LDLRAD3: variants seen among roughly 807,000 people sequenced by gnomAD.
LDLRAD3 encodes the protein low density lipoprotein receptor class A domain containing 3.
Under a neutral mutation model 29.4 loss-of-function variants are expected in LDLRAD3, and 20 were observed. The ratio of observed to expected loss-of-function variants is 0.68; its 90% CI spans 0.48 to 0.99. The LOEUF (loss-of-function observed/expected upper bound fraction) is 0.99. LDLRAD3 is among the 50% of genes least tolerant of loss of function. The pLI is 0.00. For synonymous variants in LDLRAD3, 157 were observed against 192.7 expected, an observed-to-expected ratio of 0.81 and a Z score of 1.53; for missense variants, 420 against 454.3, an observed-to-expected ratio of 0.92 and a Z score of 0.69.
intron 4 of LDLRAD3, among the ~76,000 whole-genome samples, chr11:36,119,171 A>C (rs978189422): frequency 6.6e-6 from 1 of 152,256 alleles, no homozygotes; most frequent in Non-Finnish European, 1.5e-5. Context: ...TAAGCAAAAA[A>C]GTCCTCACAT....
chr11:36,169,619 G>A (rs1854566077), intron 4 of LDLRAD3, among the ~76,000 whole-genome samples: 1 of 152,126 alleles, frequency 6.6e-6, no homozygotes, highest in South Asian at 2.1e-4. Context: ...ATTTGTTACT[G>A]CAAATGACAG....
At chr11:36,110,045 G>A (rs1223910739) in intron 4 of LDLRAD3, 2 of 152,210 alleles carry the variant, frequency 1.3e-5, no homozygotes, top group African/African-American at 2.4e-5. Flanking sequence ...GACTCCATTC[G>A]AAGAAACTGA....
intron 4 of LDLRAD3, among the ~76,000 whole-genome samples, chr11:36,170,766 G>A (rs1242041959): frequency 6.6e-6 from 1 of 151,202 alleles, no homozygotes; most frequent in Non-Finnish European, 1.5e-5. Context: ...GTGATGTTGA[G>A]CAATTTGTCA....
intron 4 of LDLRAD3, among the ~76,000 whole-genome samples, chr11:36,100,957 A>AT (rs1015740323): frequency 6.6e-6 from 1 of 152,054 alleles, no homozygotes; most frequent in Non-Finnish European, 1.5e-5. Flanking sequence ...TAAAGCTCCT[A>AT]TTTTTTTAAA....
intron 2 of LDLRAD3, among the ~76,000 whole-genome samples, chr11:36,038,137 A>G (rs1462357184): frequency 6.6e-6 from 1 of 152,018 alleles, no homozygotes; most frequent in Non-Finnish European, 1.5e-5. Flanking sequence ...GAGCTCAATA[A>G]TCCATCTACC....
chr11:36,214,787 C>T (rs1417519408), intron 4 of LDLRAD3, among the ~76,000 whole-genome samples: 2 of 152,150 alleles, frequency 1.3e-5, no homozygotes, highest in Non-Finnish European at 2.9e-5. Context: ...GGAATGATGG[C>T]CATGAAGGCA....
chr11:36,101,992 C>G, intron 4 of LDLRAD3: 1 of 223,954 alleles, frequency 4.5e-6, no homozygotes, highest in Non-Finnish European at 9.1e-6. Context: ...AGGTTCACGC[C>G]ATTCTCCTGC....
chr11:36,124,250 C>G (rs1424932397), intron 4 of LDLRAD3, among the ~76,000 whole-genome samples: 1 of 152,122 alleles, frequency 6.6e-6, no homozygotes, highest in African/African-American at 2.4e-5. Flanking sequence ...TCTCACTTCC[C>G]CTACTAAAAT....
chr11:36,161,575 GGGATGGAT>G (rs145773800), intron 4 of LDLRAD3, among the ~76,000 whole-genome samples: 2 of 151,440 alleles, frequency 1.3e-5, no homozygotes, highest in East Asian at 2.0e-4. Context: ...GATTCATTTT[GGGATGGAT>G]GGATGGATGG....
At chr11:36,161,340 C>T (rs992365263) in intron 4 of LDLRAD3, among the ~76,000 whole-genome samples, 1 of 152,272 alleles carries the variant, frequency 6.6e-6, no homozygotes, top group South Asian at 2.1e-4. Context: ...AATGGAACTT[C>T]AGAGTGATTT....
chr11:36,073,316 T>C (rs1262447905), intron 2 of LDLRAD3, among the ~76,000 whole-genome samples: 1 of 152,222 alleles, frequency 6.6e-6, no homozygotes, highest in African/African-American at 2.4e-5. Context: ...TTTGAAAAGT[T>C]TGTGGACCAG....
chr11:36,133,907 T>C (rs1027752504), intron 4 of LDLRAD3, among the ~76,000 whole-genome samples: 3 of 151,972 alleles, frequency 2.0e-5, no homozygotes, highest in Non-Finnish European at 4.4e-5. Flanking sequence ...CTGTTCTAGT[T>C]GAAAGAACTG....
At chr11:35,946,788 A>G (rs1473949163) in intron 1 of LDLRAD3, among the ~76,000 whole-genome samples, 2 of 152,158 alleles carry the variant, frequency 1.3e-5, no homozygotes, top group African/African-American at 4.8e-5. Flanking sequence ...TTTCTCCTGG[A>G]AAGATCTGCT....
intron 4 of LDLRAD3, among the ~76,000 whole-genome samples, chr11:36,167,667 C>T (rs1565274118): frequency 1.3e-5 from 2 of 152,208 alleles, no homozygotes; most frequent in Non-Finnish European, 2.9e-5. Context: ...AGGAAGGACT[C>T]TTTCCTAGGG....
At chr11:36,091,303 A>C (rs1027768608) in intron 3 of LDLRAD3, among the ~76,000 whole-genome samples, 1 of 152,210 alleles carries the variant, frequency 6.6e-6, no homozygotes, top group African/African-American at 2.4e-5. Flanking sequence ...CACAGACTTT[A>C]AATGAATTAA....
In LDLRAD3 at chr11:36,229,196, T is replaced by G; in HGVS notation, c.837T>G (p.Ser279=). Residue 279 remains serine, a synonymous_variant, in exon 6 of 6, where the codon TCT becomes TCG. Transcript: ENST00000315571. ...ATGACCTTCCTCCACCGCCCTACTC[T>G]TCTGACACGGAATCTCTGAACCAAG... is the stretch of plus-strand genomic sequence containing the variant. The part of the protein sequence containing the change: ...AWYDLPPPPY[S]SDTESLNQAD... 1 of 1,614,058 alleles carries G rather than the reference T, an allele frequency of 6.2e-7. No homozygotes were observed. The highest frequency in any genetic ancestry group is 8.5e-7 in the Non-Finnish European group (1 of 1,180,006).
chr11:36,052,876 G>C (rs1256372591), intron 2 of LDLRAD3, among the ~76,000 whole-genome samples: 1 of 151,988 alleles, frequency 6.6e-6, no homozygotes, highest in Non-Finnish European at 1.5e-5. Context: ...ATGCTGCCCA[G>C]GTCCTAGAAG....
chr11:36,081,870 T>A (rs1054657493), intron 3 of LDLRAD3, 92 bp downstream of exon 3: 7 of 1,443,168 alleles, frequency 4.9e-6, no homozygotes, highest in Non-Finnish European at 5.7e-6. Context: ...GTGCTTCTTA[T>A]ACCTAGAGGC....
intron 1 of LDLRAD3, among the ~76,000 whole-genome samples, chr11:36,022,439 CTTTAAGAGGT>C (rs1852109736): frequency 6.8e-6 from 1 of 147,778 alleles, no homozygotes; most frequent in African/African-American, 2.5e-5. Context: ...TTTTTTTTTT[CTTTAAGAGGT>C]TTTCTTGTGT....
Sources: allele counts gnomAD v4.1 joint callset (sites outside exome capture counted in the v4.1 genomes callset), GRCh38; gene constraint gnomAD v4.1.1; transcripts MANE v1.5; gene names NCBI Gene and HGNC (gene_info 2026-07-23, HGNC 2026-07-21).